GNS: variants seen among roughly 807,000 people sequenced by gnomAD.
GNS encodes the protein N-acetylglucosamine-6-sulfatase.
A neutral mutation model predicts 69.7 loss-of-function variants in GNS; 40 were observed. That is an observed-to-expected ratio of 0.57 (90% CI 0.45 to 0.75). GNS has a LOEUF of 0.75. Among genes scored for constraint, GNS ranks in the 30% least tolerant of loss-of-function variants. The probability of loss-of-function intolerance (pLI) is 0.00; values close to 1 mark genes in which losing one functional copy is unlikely to be tolerated. For synonymous variants in GNS, 243 were observed against 251.6 expected (o/e 0.97, Z 0.32); for missense variants, 565 against 685.5 (o/e 0.82, Z 1.96).
chr12:64,759,174 G>A lies in GNS; in HGVS notation c.103C>T (p.Leu35=). The A allele has an allele frequency of 6.4e-7, 1 of 1,552,116 alleles. No homozygotes were observed. Among genetic ancestry groups the A allele is most frequent in the Non-Finnish European group, 8.7e-7 (1 of 1,148,156 alleles). ...CCCGCAGCCACCCCGAAGACCCCCA[G>A]GCAGCCGCCCAGCACCAGCAGTAGC... ...ALLLLVLGGC[L]GVFGVAAGTR... The change falls in exon 1 of 14, where the codon CTG becomes TTG. Residue 35 remains leucine (L), a synonymous_variant. Coordinates refer to ENST00000258145, the MANE Select transcript of GNS (RefSeq NM_002076.4).
chr12:64,736,384 G>T (rs183357869), intron 9 of GNS, among the ~76,000 whole-genome samples: 79 of 152,300 alleles, frequency 5.2e-4, no homozygotes, highest in African/African-American at 1.8e-3. Flanking sequence ...CTAATTCCTA[G>T]AAGACATGTT....
At chr12:64,734,485 G>C (rs1869501101) in intron 9 of GNS, among the ~76,000 whole-genome samples, 1 of 152,174 alleles carries the variant, frequency 6.6e-6, no homozygotes, top group Non-Finnish European at 1.5e-5. Flanking sequence ...CAATTAACTT[G>C]ACTAGCTGAA....
At position 64,740,756 on chromosome 12, in the gene GNS, C is replaced by G. The variant is rs1690277; in HGVS notation, c.793-68G>C. 0.64 allele frequency: 507,130 copies of G among 788,444 alleles called. 167,149 individuals carry two copies. Among genetic ancestry groups the G allele is most frequent in the African/African-American group, 0.87 (51,763 of 59,262 alleles). The allele number at this position is 788,444 out of a possible 1,614,324, so 48.8% of individuals were successfully genotyped here. A position where few individuals can be genotyped will look rare whatever the true frequency, so the allele number is the denominator to read the frequency against. On this transcript the variant is annotated intron_variant, in intron 6 of 13. Transcript: ENST00000258145. ...AGTCAAACAAACTACTGGATTACTA[C>G]AGTAGATAATAAATAGAACCGTTTC...
At chr12:64,719,840 G>A (rs771332883) in intron 13 of GNS, among the ~76,000 whole-genome samples, 182 bp downstream of exon 13, 11 of 152,162 alleles carry the variant, frequency 7.2e-5, no homozygotes, top group Non-Finnish European at 1.2e-4. Context: ...ACTGGCAGTG[G>A]AGAACAAAAG....
At chr12:64,719,466 G>A (rs530638463) in intron 13 of GNS, among the ~76,000 whole-genome samples, 1 of 152,260 alleles carries the variant, frequency 6.6e-6, no homozygotes, top group African/African-American at 2.4e-5. Flanking sequence ...ACCGTGTGGG[G>A]AACAAATCTG....
intron 9 of GNS, among the ~76,000 whole-genome samples, chr12:64,733,502 A>G (rs1345220752): frequency 6.6e-6 from 1 of 152,090 alleles, no homozygotes; most frequent in Non-Finnish European, 1.5e-5. Flanking sequence ...TATCAAAGAA[A>G]AGGCTCCAAA....
At chr12:64,754,401 A>G (rs1870180298) in intron 1 of GNS, among the ~76,000 whole-genome samples, 1 of 152,312 alleles carries the variant, frequency 6.6e-6, no homozygotes, top group East Asian at 1.9e-4. Flanking sequence ...GGAGTCAGTC[A>G]TGCAAAAATT....
At chr12:64,723,712 A>C (rs1345137133) in intron 10 of GNS, among the ~76,000 whole-genome samples, 1 of 152,230 alleles carries the variant, frequency 6.6e-6, no homozygotes, top group African/African-American at 2.4e-5. Context: ...GAAAGGAGAA[A>C]GAATCTAGGA....
chr12:64,758,382 G>A (rs1389202116), intron 1 of GNS, among the ~76,000 whole-genome samples: 1 of 126,532 alleles, frequency 7.9e-6, no homozygotes, highest in Admixed American at 9.7e-5. Flanking sequence ...GAATGCAGTG[G>A]CGCGATCTCG....
At chr12:64,722,102 G>C (rs1411778808) in intron 11 of GNS, among the ~76,000 whole-genome samples, 2 of 151,238 alleles carry the variant, frequency 1.3e-5, no homozygotes, top group African/African-American at 4.9e-5. Flanking sequence ...TCAGCTCACT[G>C]CAACCTCCAC....
intron 1 of GNS, among the ~76,000 whole-genome samples, chr12:64,756,229 T>C (rs1592511832): frequency 1.3e-5 from 2 of 152,372 alleles, no homozygotes; most frequent in Admixed American, 6.5e-5. Flanking sequence ...ATACAATCCT[T>C]TGACCTGAGT....
chr12:64,732,155 TTTTTTTTTTTGTTG>T (rs1176346230), intron 9 of GNS, among the ~76,000 whole-genome samples: 20 of 93,418 alleles, frequency 2.1e-4, no homozygotes, highest in African/African-American at 7.5e-4. Flanking sequence ...CCTGGCTAAT[TTTTTTTTTTTGTTG>T]TTTTTTTTTT....
intron 8 of GNS, among the ~76,000 whole-genome samples, chr12:64,737,976 C>G (rs745638258): frequency 6.6e-6 from 1 of 151,698 alleles, no homozygotes; most frequent in Non-Finnish European, 1.5e-5. Flanking sequence ...TTAGGAGATA[C>G]AAGAACTAAA....
At chr12:64,745,057 G>C (rs1869857188) in intron 4 of GNS, 150 bp from the exon 5 acceptor site, 1 of 644,552 alleles carries the variant, frequency 1.6e-6, no homozygotes. Context: ...TTTTTGACTA[G>C]GGTTTTATTA....
chr12:64,746,280 T>G (rs968144677), intron 3 of GNS: 1 of 162,402 alleles, frequency 6.2e-6, no homozygotes, highest in African/African-American at 2.4e-5. Context: ...ATAGACTGAA[T>G]AGTCCAACTG....
chr12:64,721,725 G>T lies in GNS; in HGVS notation c.1309-20C>A. 8.4e-7 allele frequency: 1 copy of T among 1,185,860 alleles called. No homozygotes were observed. Among genetic ancestry groups the T allele is most frequent in the Non-Finnish European group, 1.3e-6 (1 of 788,884 alleles). The allele number at this position is 1,185,860 out of a possible 1,614,324, so 73.5% of individuals were successfully genotyped here. A position where few individuals can be genotyped will look rare whatever the true frequency, so the allele number is the denominator to read the frequency against. On this transcript the variant is annotated intron_variant, in intron 11 of 13. Transcript: ENST00000258145. ...GCATTGCTGTAGGGATATTTCAAAAGTTAAATGAAGACAGTTCTTCCATAG... is the reference window on the plus strand; with the variant it reads ...GCATTGCTGTAGGGATATTTCAAAATTTAAATGAAGACAGTTCTTCCATAG...
chr12:64,721,749 AG>A, intron 11 of GNS, 44 bp from the exon 12 acceptor site: 1 of 978,454 alleles, frequency 1.0e-6, no homozygotes, highest in African/African-American at 1.6e-5. Context: ...GTTCTTCCAT[AG>A]TAACAAATAC....
At chr12:64,746,097 T>C (rs1458384023) in intron 3 of GNS, 9 of 315,916 alleles carry the variant, frequency 2.8e-5, no homozygotes, top group South Asian at 1.8e-4. Flanking sequence ...TTCATTTACA[T>C]AGTGCAGTGT....
intron 6 of GNS, among the ~76,000 whole-genome samples, chr12:64,741,289 A>C (rs1869725149): frequency 6.6e-6 from 1 of 151,556 alleles, no homozygotes; most frequent in Non-Finnish European, 1.5e-5. Flanking sequence ...CGGAGGTTGC[A>C]TTGAGCCGAG....
Sources: gnomAD v4.1 joint callset for allele counts (sites outside exome capture counted in the v4.1 genomes callset) on GRCh38, gnomAD v4.1.1 for gene constraint, MANE v1.5 for transcripts, NCBI Gene and HGNC (gene_info 2026-07-23, HGNC 2026-07-21) for gene names.